The following TNRC6C variants were observed in gnomAD, a reference collection of about 807,000 sequenced individuals.
The protein encoded by TNRC6C is trinucleotide repeat containing adaptor 6C, also known as trinucleotide repeat-containing gene 6C protein.
Under a neutral mutation model 153.7 loss-of-function variants are expected in TNRC6C, and 20 were observed. The observed-to-expected ratio is 0.13, with a 90% CI of 0.09 to 0.19. The LOEUF (loss-of-function observed/expected upper bound fraction) is 0.19. Among genes scored for constraint, TNRC6C ranks in the 10% least tolerant of loss-of-function variants. The probability of loss-of-function intolerance (pLI) is 1.00; values close to 1 mark genes in which losing one functional copy is unlikely to be tolerated. For missense variants in TNRC6C, 1,987 were observed against 2,172.0 expected (o/e 0.91, Z 1.69); for synonymous variants, 811 against 841.4 (o/e 0.96, Z 0.63).
exon 3 of TNRC6C, chr17:78,050,611 G>A (rs2072507449): frequency 6.3e-7 from 1 of 1,580,364 alleles, no homozygotes; most frequent in Non-Finnish European, 8.6e-7. Flanking sequence ...ACCTGCCGCT[G>A]TGCCAGCAAA....
intron 1 of TNRC6C, among the ~76,000 whole-genome samples, chr17:77,998,488 T>C (rs1445948211): frequency 1.3e-5 from 2 of 152,226 alleles, no homozygotes; most frequent in Non-Finnish European, 2.9e-5. Flanking sequence ...TTTAGTATTA[T>C]CCTTCAGGTC....
chr17:77,974,989 A>G (rs1427161426), intron 1 of TNRC6C, among the ~76,000 whole-genome samples: 1 of 147,706 alleles, frequency 6.8e-6, no homozygotes, highest in East Asian at 2.0e-4. Context: ...ACATCTTTAA[A>G]ATGTATCTTT....
At chr17:78,078,147 G>A (rs147366829) in intron 9 of TNRC6C, among the ~76,000 whole-genome samples, 102 of 152,312 alleles carry the variant, frequency 6.7e-4, no homozygotes, top group South Asian at 1.7e-3. Context: ...GCGCCCGACT[G>A]TGTGATCCTG....
At chr17:77,993,728 A>G (rs1020398833) in intron 1 of TNRC6C, among the ~76,000 whole-genome samples, 1 of 152,094 alleles carries the variant, frequency 6.6e-6, no homozygotes, top group African/African-American at 2.4e-5. Flanking sequence ...AGGAAATTAA[A>G]ATGTTTTTCT....
chr17:77,978,063 T>A (rs1399555067), intron 1 of TNRC6C, among the ~76,000 whole-genome samples: 1 of 151,532 alleles, frequency 6.6e-6, no homozygotes, highest in East Asian at 1.9e-4. Context: ...GCCCAGCTAA[T>A]TTTTTTTGTA....
intron 1 of TNRC6C, among the ~76,000 whole-genome samples, chr17:78,006,486 TTCTTCTTTCTTCTTCTTC>T (rs1388703475): frequency 2.8e-5 from 4 of 144,368 alleles, no homozygotes; most frequent in African/African-American, 1.1e-4. Flanking sequence ...CTTCTTCTTC[TTCTTCTTTCTTCTTCTTC>T]TTCTTCTTCT....
intron 13 of TNRC6C, among the ~76,000 whole-genome samples, chr17:78,089,037 G>A (rs1240031430): frequency 2.1e-5 from 3 of 145,654 alleles, no homozygotes; most frequent in South Asian, 2.1e-4. Context: ...GCGCAGTCTC[G>A]GCTCACTGCA....
chr17:78,039,790 C>T (rs949994198), intron 2 of TNRC6C, among the ~76,000 whole-genome samples: 7 of 152,150 alleles, frequency 4.6e-5, no homozygotes, highest in African/African-American at 9.7e-5. Context: ...ACAACAAGCC[C>T]GAGAGGAGGA....
intron 1 of TNRC6C, among the ~76,000 whole-genome samples, chr17:78,011,142 A>G (rs1202982896): frequency 6.6e-6 from 1 of 152,230 alleles, no homozygotes; most frequent in Non-Finnish European, 1.5e-5. Flanking sequence ...CTAAAAAATA[A>G]TTTGTTTACC....
intron 2 of TNRC6C, among the ~76,000 whole-genome samples, chr17:78,046,185 C>CT (rs567181283): frequency 1.9e-3 from 263 of 141,638 alleles, no homozygotes; most frequent in South Asian, 3.8e-3. Flanking sequence ...TTTTAGGATT[C>CT]TTTTTTTTTT....
intron 1 of TNRC6C, among the ~76,000 whole-genome samples, chr17:78,013,799 G>A (rs539227276): frequency 1.1e-4 from 16 of 152,276 alleles, no homozygotes; most frequent in East Asian, 1.9e-4. Context: ...GCCTGTGGCC[G>A]TATGGAGTAT....
intron 11 of TNRC6C, among the ~76,000 whole-genome samples, chr17:78,085,749 T>C (rs2073268129): frequency 6.6e-6 from 1 of 152,132 alleles, no homozygotes; most frequent in African/African-American, 2.4e-5. Flanking sequence ...CACATTATTA[T>C]TGAATGATTT....
upstream of TNRC6C, among the ~76,000 whole-genome samples, chr17:78,000,624 C>CTA (rs1446137124): frequency 3.3e-5 from 2 of 60,320 alleles, 1 homozygote; most frequent in African/African-American, 1.4e-4. Flanking sequence ...CTCCGCCCCC[C>CTA]CCCCCCCACA....
intron 3 of TNRC6C, among the ~76,000 whole-genome samples, chr17:78,054,326 C>T (rs1369259161): frequency 6.6e-6 from 1 of 151,992 alleles, no homozygotes; most frequent in Non-Finnish European, 1.5e-5. Context: ...CACACCACTG[C>T]AGACTACTGC....
intron 1 of TNRC6C, among the ~76,000 whole-genome samples, chr17:78,007,880 T>A (rs1460059519): frequency 6.6e-6 from 1 of 152,240 alleles, no homozygotes; most frequent in African/African-American, 2.4e-5. Flanking sequence ...ACTCAACTAG[T>A]AGCATTCGTA....
At chr17:78,055,571 C>A (rs2072637521) in intron 3 of TNRC6C, among the ~76,000 whole-genome samples, 1 of 152,166 alleles carries the variant, frequency 6.6e-6, no homozygotes, top group South Asian at 2.1e-4. Flanking sequence ...GGACCATTGT[C>A]CTGTACGCAG....
chr17:78,058,074 G>A (rs2072694538), intron 3 of TNRC6C, among the ~76,000 whole-genome samples: 1 of 152,180 alleles, frequency 6.6e-6, no homozygotes, highest in Non-Finnish European at 1.5e-5. Flanking sequence ...TAGGCTGCCT[G>A]AGAAGGGCTC....
At chr17:78,037,526 G>A (rs147776201) in intron 2 of TNRC6C, among the ~76,000 whole-genome samples, 61 of 152,318 alleles carry the variant, frequency 4.0e-4, no homozygotes, top group African/African-American at 1.3e-3. Context: ...GGTGATATGA[G>A]CTGAGTTTCA....
At chr17:77,976,113 T>C (rs954008501) in intron 1 of TNRC6C, among the ~76,000 whole-genome samples, 3 of 152,242 alleles carry the variant, frequency 2.0e-5, no homozygotes, top group African/African-American at 4.8e-5. Flanking sequence ...AATGAGATAG[T>C]ATGTAAGTTT....
Sources: gnomAD v4.1 joint callset for allele counts (sites outside exome capture counted in the v4.1 genomes callset) on GRCh38, gnomAD v4.1.1 for gene constraint, MANE v1.5 for transcripts, NCBI Gene and HGNC (gene_info 2026-07-23, HGNC 2026-07-21) for gene names.